ADCY5: variants seen among roughly 807,000 people sequenced by gnomAD.
The protein encoded by ADCY5 is adenylate cyclase type 5.
A neutral mutation model predicts 119.7 loss-of-function variants in ADCY5; 30 were observed. The ratio of observed to expected loss-of-function variants is 0.25; its 90% CI spans 0.19 to 0.34. ADCY5 has a LOEUF of 0.34. ADCY5 is among the 10% of genes least tolerant of loss of function. The probability of loss-of-function intolerance (pLI) is 1.00; values close to 1 mark genes in which losing one functional copy is unlikely to be tolerated. For synonymous variants in ADCY5, 753 were observed against 762.2 expected (o/e 0.99, Z 0.20); for missense variants, 1,324 against 1,775.2 (o/e 0.75, Z 4.57).
At chr3:123,434,655 T>G (rs895400107) in intron 1 of ADCY5, among the ~76,000 whole-genome samples, 17 of 152,322 alleles carry the variant, frequency 1.1e-4, no homozygotes, top group African/African-American at 4.1e-4. Context: ...AGTCCAGGTC[T>G]CAACCCTAGG....
intron 1 of ADCY5, among the ~76,000 whole-genome samples, chr3:123,368,709 G>A (rs1943536401): frequency 6.7e-6 from 1 of 149,276 alleles, no homozygotes; most frequent in African/African-American, 2.5e-5. Flanking sequence ...TTTAGATGGT[G>A]CCACTGCACT....
chr3:123,448,254 G>A lies in ADCY5; in HGVS notation c.292C>T (p.Arg98Cys), dbSNP rs749408400. Residue 98 changes from arginine to cysteine, a missense_variant, in exon 1 of 21, where the codon CGC becomes TGC. Arg to Cys is a radical substitution (Grantham distance 180, BLOSUM62 -3). Transcript: ENST00000462833. ...CGCTCCTGCCAGGCGGACTTGGAGC[G>A]GAAGCTGAAGCCGAAGCCCCCGGCC... ...PLAGGFGFSF[R>C]SKSAWQERGG... The A allele has an allele frequency of 2.0e-6, 3 of 1,496,788 alleles. No homozygotes were observed. Among genetic ancestry groups the A allele is most frequent in the African/African-American group, 2.9e-5 (2 of 69,398 alleles). 92.7% of individuals were successfully genotyped at this position (1,496,788 alleles called of 1,614,324 possible). A position where few individuals can be genotyped will look rare whatever the true frequency, so the allele number is the denominator to read the frequency against.
chr3:123,426,947 T>C (rs1223088075), intron 1 of ADCY5, among the ~76,000 whole-genome samples: 2 of 152,128 alleles, frequency 1.3e-5, no homozygotes, highest in Non-Finnish European at 2.9e-5. Flanking sequence ...TCATGGGATA[T>C]TTAAAGCCCA....
chr3:123,395,732 T>A (rs1276831261), intron 1 of ADCY5, among the ~76,000 whole-genome samples: 2 of 151,344 alleles, frequency 1.3e-5, no homozygotes, highest in East Asian at 2.0e-4. Context: ...AAAATTTTTT[T>A]AATTGCCGGG....
chr3:123,340,087 G>T (rs987746953), intron 3 of ADCY5, among the ~76,000 whole-genome samples: 1 of 152,022 alleles, frequency 6.6e-6, no homozygotes, highest in Non-Finnish European at 1.5e-5. Flanking sequence ...CCCAGGAGTC[G>T]GAGGCCGGTC....
At chr3:123,333,847 A>G (rs1941896560) in intron 3 of ADCY5, among the ~76,000 whole-genome samples, 1 of 152,150 alleles carries the variant, frequency 6.6e-6, no homozygotes, top group Non-Finnish European at 1.5e-5. Context: ...CTCTAGCCCC[A>G]AGCCCTCCAT....
At chr3:123,413,225 C>T (rs115732322) in intron 1 of ADCY5, among the ~76,000 whole-genome samples, 214 of 152,314 alleles carry the variant, frequency 1.4e-3, no homozygotes, top group African/African-American at 4.8e-3. Context: ...AGTGACCTTT[C>T]GGAAGGCAGG....
At chr3:123,325,113 AG>A (rs1941415121) in intron 8 of ADCY5, among the ~76,000 whole-genome samples, 1 of 152,198 alleles carries the variant, frequency 6.6e-6, no homozygotes, top group East Asian at 1.9e-4. Context: ...AAGCCTAATG[AG>A]GCATGCCACG....
At chr3:123,362,213 CTA>C (rs1943270775) in intron 1 of ADCY5, among the ~76,000 whole-genome samples, 1 of 152,170 alleles carries the variant, frequency 6.6e-6, no homozygotes, top group African/African-American at 2.4e-5. Flanking sequence ...CACGGCAACT[CTA>C]TGTTATTGAG....
At chr3:123,308,052 G>C (rs1259592919) in intron 12 of ADCY5, among the ~76,000 whole-genome samples, 2 of 13,564 alleles carry the variant, frequency 1.5e-4, no homozygotes, top group Non-Finnish European at 3.7e-4. Flanking sequence ...TTTTTTTTTT[G>C]AGACAGAGTC....
chr3:123,419,599 C>G (rs1423781285), intron 1 of ADCY5, among the ~76,000 whole-genome samples: 5 of 152,184 alleles, frequency 3.3e-5, no homozygotes, highest in Non-Finnish European at 7.3e-5. Flanking sequence ...GTGTCACATT[C>G]CAGCCTCAAC....
At chr3:123,297,030 G>C in intron 16 of ADCY5, 1 of 1,536,078 alleles carries the variant, frequency 6.5e-7, no homozygotes, top group Non-Finnish European at 8.7e-7. Context: ...CCATTCTCCT[G>C]TGTCTGAGGT....
chr3:123,391,144 T>C (rs1192201049), intron 1 of ADCY5, among the ~76,000 whole-genome samples: 1 of 152,024 alleles, frequency 6.6e-6, no homozygotes, highest in Non-Finnish European at 1.5e-5. Context: ...GCTCTAAGGA[T>C]ATACAGGGCA....
rs549914656 is a variant in ADCY5 at position 123,419,252 on chromosome 3, C to T, written c.1134+28160G>A. On this transcript the variant is annotated intron_variant, in intron 1 of 20. Transcript: ENST00000462833. ...GTGGCACTCAAGGCCCTCCCCTCCA[C>T]GCGCCCCCACAGGCCAGGGAAGTGC... The T allele has an allele frequency of 7.7e-5, 76 of 982,374 alleles. 1 individual carries two copies. The Admixed American group carries it at 1.4e-3, about 18-fold the overall frequency. The allele number at this position is 982,374 out of a possible 1,614,324, so 60.9% of individuals were successfully genotyped here.
chr3:123,362,525 G>A (rs1464856291), intron 1 of ADCY5, among the ~76,000 whole-genome samples: 1 of 152,070 alleles, frequency 6.6e-6, no homozygotes, highest in Non-Finnish European at 1.5e-5. Context: ...CTTATTCCTA[G>A]GAAGACCCCA....
chr3:123,420,660 G>T (rs1036468132), intron 1 of ADCY5, among the ~76,000 whole-genome samples: 1 of 152,178 alleles, frequency 6.6e-6, no homozygotes, highest in Non-Finnish European at 1.5e-5. Context: ...TTGTCCCTGG[G>T]GGGTAACAAG....
intron 1 of ADCY5, among the ~76,000 whole-genome samples, chr3:123,383,482 G>A (rs529997015): frequency 6.6e-6 from 1 of 152,310 alleles, no homozygotes; most frequent in African/African-American, 2.4e-5. Context: ...GATCGCCTGG[G>A]AAAATGTGAA....
intron 15 of ADCY5, among the ~76,000 whole-genome samples, chr3:123,298,829 A>AGTTTTTTTTTTTT (rs1939668224): frequency 1.7e-4 from 1 of 5,816 alleles, no homozygotes; most frequent in Non-Finnish European, 3.7e-4. Context: ...CAAAACTGTC[A>AGTTTTTTTTTTTT]CTTTTTTTTT....
At chr3:123,354,379 G>T (rs1337730484) in intron 1 of ADCY5, among the ~76,000 whole-genome samples, 1 of 152,152 alleles carries the variant, frequency 6.6e-6, no homozygotes, top group African/African-American at 2.4e-5. Flanking sequence ...ACCTGCGTGT[G>T]GCTGGGAGCC....
Sources: allele counts gnomAD v4.1 joint callset (sites outside exome capture counted in the v4.1 genomes callset), GRCh38; gene constraint gnomAD v4.1.1; transcripts MANE v1.5; gene names NCBI Gene and HGNC (gene_info 2026-07-23, HGNC 2026-07-21).